The following ASB5 variants were observed in gnomAD, a reference collection of about 807,000 sequenced individuals.
ASB5 encodes ankyrin repeat and SOCS box protein 5.
Under a neutral mutation model 42.1 loss-of-function variants are expected in ASB5, and 45 were observed. The observed-to-expected ratio is 1.07, with a 90% CI of 0.84 to 1.37. The LOEUF (loss-of-function observed/expected upper bound fraction) is 1.37. Ranked by LOEUF, ASB5 falls within the 40% of genes most tolerant of loss-of-function variation. The pLI, the probability that ASB5 is intolerant of heterozygous loss-of-function variation, is 0.00. For synonymous variants in ASB5, 147 were observed against 150.6 expected, an observed-to-expected ratio of 0.98 and a Z score of 0.18; for missense variants, 402 against 399.8, an observed-to-expected ratio of 1.01 and a Z score of -0.05.
chr4:176,253,134 G>A (rs1343762186), intron 1 of ASB5, among the ~76,000 whole-genome samples: 3 of 152,078 alleles, frequency 2.0e-5, no homozygotes, highest in Non-Finnish European at 4.4e-5. Flanking sequence ...TGAAGAGGAT[G>A]TTTACTTTTT....
rs947714524 is a variant in ASB5, at chr4:176,221,209, A to G, written c.616T>C (p.Tyr206His). 6.2e-7 allele frequency: 1 copy of G among 1,614,046 alleles called. No homozygotes were observed. The highest frequency in any genetic ancestry group is 1.1e-5 in the South Asian group (1 of 91,082). Residue 206 changes from tyrosine (Y) to histidine (H), a missense_variant, in exon 5 of 7, where the codon TAT becomes CAT. By Grantham distance (83) the Tyr-to-His change is moderately conservative. Transcript: ENST00000296525. Reference protein sequence around the residue: ...QEIPHLGTPLYVACMSQQFHC... With the variant: ...QEIPHLGTPLHVACMSQQFHC... The stretch of plus-strand genomic sequence containing the variant: ...AATTGCTGTGACATACAAGCTACAT[A>G]GAGAGGAGTTCCCAAATGAGGAATT...
At chr4:176,271,475 T>A (rs961787642), upstream of ASB5, among the ~76,000 whole-genome samples, 1 of 152,208 alleles carries the variant, frequency 6.6e-6, no homozygotes, top group Non-Finnish European at 1.5e-5. Flanking sequence ...CTTACTGAGA[T>A]AAATGTTTTT....
At chr4:176,251,076 G>A (rs1449879683) in intron 1 of ASB5, among the ~76,000 whole-genome samples, 1 of 151,914 alleles carries the variant, frequency 6.6e-6, no homozygotes, top group African/African-American at 2.4e-5. Context: ...AATCTGATCT[G>A]CACCATGGAC....
chr4:176,230,189 C>T (rs1006666232), intron 1 of ASB5, among the ~76,000 whole-genome samples: 1 of 152,148 alleles, frequency 6.6e-6, no homozygotes, highest in African/African-American at 2.4e-5. Context: ...TAATAACTAG[C>T]ATTATTGGCT....
chr4:176,236,531 G>A (rs1333691449), intron 1 of ASB5, among the ~76,000 whole-genome samples: 1 of 152,168 alleles, frequency 6.6e-6, no homozygotes, highest in African/African-American at 2.4e-5. Context: ...GGGGAGTAGG[G>A]ATCCAGTTGC....
At chr4:176,241,705 T>A in intron 1 of ASB5, 2 of 1,272,362 alleles carry the variant, frequency 1.6e-6, no homozygotes, top group Non-Finnish European at 2.0e-6. Flanking sequence ...AGAGTAAGCC[T>A]GACATAAGCA....
At chr4:176,216,278 C>T (rs772781096) in intron 6 of ASB5, among the ~76,000 whole-genome samples, 2 of 152,022 alleles carry the variant, frequency 1.3e-5, no homozygotes, top group Non-Finnish European at 2.9e-5. Flanking sequence ...TAATGCATTA[C>T]TGAAACTAAT....
At position 176,216,986 on chromosome 4, in the gene ASB5, A is replaced by G. The variant is rs1256332093; in HGVS notation, c.694T>C (p.Tyr232His). The G allele has an allele frequency of 3.1e-6, 5 of 1,609,390 alleles. No homozygotes were observed. Among genetic ancestry groups the G allele is most frequent in the Admixed American group, 3.4e-5 (2 of 58,804 alleles). ...YAGADVQKGK[Y>H]WDTPLHAAAQ... ...GCAGCATGTAATGGAGTATCCCAAT[A>G]TTTGCCTTTCTGTACGTCAGCACCT... Residue 232 changes from tyrosine to histidine, a missense_variant, in exon 6 of 7, where the codon TAT becomes CAT. By Grantham distance (83) the Tyr-to-His change is moderately conservative. Transcript: ENST00000296525.
At position 176,236,377 on chromosome 4, in the gene ASB5, C is replaced by A. The variant is rs13113051; in HGVS notation, c.197-11036G>T. On this transcript the variant is annotated intron_variant, in intron 1 of 6. Transcript: ENST00000296525. ...CCCGCCTCTAGCACAGTGTCTAGCA[C>A]GCAGTCAACACTGGATAGGCATTTG... Among the ~76,000 whole-genome samples the A allele has an allele frequency of 3.1e-3, 476 of 152,116 alleles. 2 individuals are homozygous for A. The highest frequency in any genetic ancestry group is 0.031 in the Middle Eastern group (9 of 292).
intron 1 of ASB5, among the ~76,000 whole-genome samples, chr4:176,263,006 G>T (rs1002301072): frequency 9.2e-5 from 14 of 152,142 alleles, no homozygotes; most frequent in Non-Finnish European, 2.1e-4. Context: ...AATGTTGGAG[G>T]TGTATAGTCT....
rs373625863 is a variant in ASB5 at position 176,217,001 on chromosome 4, C to T, written c.679G>A (p.Val227Ile). The change falls in exon 6 of 7, where the codon GTA (valine) becomes ATA (isoleucine). Residue 227 changes from valine (V) to isoleucine (I), a missense_variant. Physicochemically the swap from Val to Ile is conservative, Grantham distance 29 (BLOSUM62 3). Transcript: ENST00000296525. Reference sequence around the variant, plus strand: ...GTATCCCAATATTTGCCTTTCTGTACGTCAGCACCTACATGTAATACGGAG... The same window carrying T: ...GTATCCCAATATTTGCCTTTCTGTATGTCAGCACCTACATGTAATACGGAG... ...IWKLLYAGAD[V>I]QKGKYWDTPL... 8 of 1,602,704 alleles carry T rather than the reference C, an allele frequency of 5.0e-6. No homozygotes were observed. The highest frequency in any genetic ancestry group is 3.5e-5 in the Admixed American group (2 of 57,590).
In ASB5 at chr4:176,214,549, G is replaced by A. The variant is rs367989481; in HGVS notation, c.*1051C>T. ...TCTCTTGCTATTACTTGCAAATACA[G>A]TATACTCTAAGCCCTTGTTTTGTGT... On this transcript the variant is annotated 3_prime_UTR_variant, in exon 7 of 7. Transcript: ENST00000296525. 1 of 152,076 alleles carries A rather than the reference G, an allele frequency of 6.6e-6. No individual in the cohort carries two copies. Among genetic ancestry groups the A allele is most frequent in the Non-Finnish European group, 1.5e-5 (1 of 68,000 alleles). 9.4% of individuals were successfully genotyped at this position (152,076 alleles called of 1,614,324 possible).
At chr4:176,228,866 C>T (rs1398774458) in intron 1 of ASB5, among the ~76,000 whole-genome samples, 1 of 152,148 alleles carries the variant, frequency 6.6e-6, no homozygotes, top group Admixed American at 6.5e-5. Flanking sequence ...TTAAAAATCA[C>T]AGGCATCTGT....
At chr4:176,267,770 T>C (rs1198970111) in intron 1 of ASB5, among the ~76,000 whole-genome samples, 1 of 152,138 alleles carries the variant, frequency 6.6e-6, no homozygotes, top group Non-Finnish European at 1.5e-5. Flanking sequence ...AGAACATCAA[T>C]TCCTCATGTT....
In ASB5 at chr4:176,221,548, T is replaced by C. The variant is rs756592467; in HGVS notation, c.437A>G (p.Gln146Arg). 2 of 1,613,982 alleles carry C rather than the reference T, an allele frequency of 1.2e-6. No individual in the cohort carries two copies. The highest frequency in any genetic ancestry group is 1.7e-6 in the Non-Finnish European group (2 of 1,179,872). ...GVTPLFNACS[Q>R]GSPSCAELLL... The stretch of plus-strand genomic sequence containing the variant: ...CAGCTCTGCACAGCTTGGACTGCCT[T>C]GGGAGCATGCGTTGAATAACGGAGT... Residue 146 changes from glutamine to arginine, a missense_variant, in exon 4 of 7, where the codon CAA (glutamine) becomes CGA (arginine). Coordinates refer to ENST00000296525, the MANE Select transcript of ASB5 (RefSeq NM_080874.4).
intron 1 of ASB5, among the ~76,000 whole-genome samples, chr4:176,249,069 C>T (rs1691702915): frequency 1.3e-5 from 2 of 152,222 alleles, no homozygotes; most frequent in South Asian, 2.1e-4. Flanking sequence ...CGGGTCCCAA[C>T]GATTCTCCTG....
At chr4:176,275,161 C>T (rs1388560449) in intron 2 of ASB5, among the ~76,000 whole-genome samples, 5 of 152,040 alleles carry the variant, frequency 3.3e-5, no homozygotes, top group East Asian at 1.9e-4. Context: ...GTGATCCGCC[C>T]GTCTCGGCCT....
At chr4:176,254,794 A>G (rs184764538) in intron 1 of ASB5, among the ~76,000 whole-genome samples, 67 of 152,338 alleles carry the variant, frequency 4.4e-4, no homozygotes, top group Middle Eastern at 3.4e-3. Context: ...CAAATATATG[A>G]AAAAATGCTC....
At position 176,215,686 on chromosome 4, in the gene ASB5, G is replaced by A. The variant is rs563934548; in HGVS notation, c.904C>T (p.Arg302Ter). Residue 302 changes from arginine to a stop codon, truncating the protein, a stop_gained, in exon 7 of 7, where the codon CGA (arginine) becomes TGA (stop). Transcript: ENST00000296525. LOFTEE classifies it high-confidence loss of function. ...AATCTTGGTTTTCCTATGTAGCTTC[G>A]GATACAGAGTCGGCAAAGTTGGTAA... Reference protein sequence around the residue: ...SLYQLCRLCIRSYIGKPRLHL... With the variant: ...SLYQLCRLCI 2.1e-5 allele frequency: 34 copies of A among 1,612,776 alleles called. No individual in the cohort carries two copies. Among genetic ancestry groups the A allele is most frequent in the South Asian group, 1.9e-4 (17 of 91,002 alleles).
Sources: allele counts gnomAD v4.1 joint callset (sites outside exome capture counted in the v4.1 genomes callset), GRCh38; gene constraint gnomAD v4.1.1; transcripts MANE v1.5; gene names NCBI Gene and HGNC (gene_info 2026-07-23, HGNC 2026-07-21).